Variants in KIF13A observed in about 807,000 individuals in gnomAD.
KIF13A encodes the protein kinesin family member 13A.
A neutral mutation model predicts 212.2 loss-of-function variants in KIF13A; 79 were observed. The ratio of observed to expected loss-of-function variants is 0.37; its 90% CI spans 0.31 to 0.45. The LOEUF is 0.45. Among genes scored for constraint, KIF13A ranks in the 20% least tolerant of loss-of-function variants. The probability of loss-of-function intolerance (pLI) is 1.00; values close to 1 mark genes in which losing one functional copy is unlikely to be tolerated. For missense variants in KIF13A, 1,901 were observed against 2,209.0 expected (o/e 0.86, Z 2.79); for synonymous variants, 789 against 808.6 (o/e 0.98, Z 0.41).
rs1357415492 is a variant in KIF13A, at chr6:17,888,420, G to T, written c.159+9748C>A. Among the ~76,000 whole-genome samples the T allele has an allele frequency of 6.6e-6, 1 of 152,176 alleles. No homozygotes were observed. The highest frequency in any genetic ancestry group is 1.5e-5 in the Non-Finnish European group (1 of 68,026). ...ATGAAACAAGCAAAAGCCTTAGGAA[G>T]TATACTGGTGTTCAGTACTAAGCCA... On this transcript the variant is annotated intron_variant, in intron 3 of 38. Transcript: ENST00000259711. The surrounding 1 kb of genome is among the most constrained non-coding windows in gnomAD (Gnocchi z 4.8).
chr6:17,824,042 G>A (rs180966750), intron 16 of KIF13A, among the ~76,000 whole-genome samples: 1 of 151,730 alleles, frequency 6.6e-6, no homozygotes, highest in Non-Finnish European at 1.5e-5. Context: ...CGAGTAGCTA[G>A]GATTACAGCC....
In KIF13A at chr6:17,776,046, T is replaced by C. The variant is rs1386884944; in HGVS notation, c.4171-984A>G. The stretch of plus-strand genomic sequence containing the variant: ...GGCACCTGCCACGATGCCCAGCTAA[T>C]TTTGTATTTTTAGTAGAGACCGGGT... On this transcript the variant is annotated intron_variant, in intron 34 of 38. Transcript: ENST00000259711. The surrounding 1 kb of genome is among the most constrained non-coding windows in gnomAD (Gnocchi z 4.6). 2.0e-5 allele frequency among the ~76,000 whole-genome samples: 3 copies of C among 152,004 alleles called. No individual in the cohort carries two copies. Among genetic ancestry groups the C allele is most frequent in the Non-Finnish European group, 4.4e-5 (3 of 67,998 alleles).
At chr6:17,925,085 T>A (rs1775382418) in intron 2 of KIF13A, among the ~76,000 whole-genome samples, 1 of 151,942 alleles carries the variant, frequency 6.6e-6, no homozygotes, top group South Asian at 2.1e-4. Flanking sequence ...AAAAAATATA[T>A]CAACAAATGC....
chr6:17,983,333 T>TGG (rs1418321049), intron 2 of KIF13A, among the ~76,000 whole-genome samples: 1 of 151,990 alleles, frequency 6.6e-6, no homozygotes, highest in Non-Finnish European at 1.5e-5. Context: ...GGTGAAGAGA[T>TGG]GGGCAAAGTA....
intron 4 of KIF13A, among the ~76,000 whole-genome samples, chr6:17,869,291 T>A (rs1769779497): frequency 6.6e-6 from 1 of 152,086 alleles, no homozygotes; most frequent in East Asian, 1.9e-4. Flanking sequence ...TTGTCATAAA[T>A]CTCAGTACAT....
chr6:17,814,347 C>T (rs1450635036), intron 17 of KIF13A, among the ~76,000 whole-genome samples: 1 of 147,336 alleles, frequency 6.8e-6, no homozygotes, highest in Non-Finnish European at 1.5e-5. Flanking sequence ...CTCCCGGGTT[C>T]AAGCAATTCT....
chr6:17,840,078 G>A (rs956090735), intron 9 of KIF13A, among the ~76,000 whole-genome samples: 12 of 152,236 alleles, frequency 7.9e-5, no homozygotes, highest in African/African-American at 2.4e-4. Context: ...TAGGGCTGTG[G>A]GTGGGGGTAA....
At position 17,811,551 on chromosome 6, in the gene KIF13A, T is replaced by C. The variant is rs991901824; in HGVS notation, c.2001-2621A>G. On this transcript the variant is annotated intron_variant, in intron 17 of 38. Transcript: ENST00000259711. The surrounding 1 kb of genome is among the most constrained non-coding windows in gnomAD (Gnocchi z 6.0). ...GTGTACAAAGAGAATAAACGACATC[T>C]GTGGCTTTCTTTGTAATTCTCACCA... 6.6e-6 allele frequency among the ~76,000 whole-genome samples: 1 copy of C among 152,274 alleles called. No individual in the cohort carries two copies. The highest frequency in any genetic ancestry group is 2.4e-5 in the African/African-American group (1 of 41,476).
rs183262665 is a variant in KIF13A, at chr6:17,857,047, A to T, written c.221-925T>A. ...ATGCTTAATAAATGTTGAAAGAATGAGTCAATTTAACATTTTTATCTTACA... is the reference window on the plus strand; with the variant it reads ...ATGCTTAATAAATGTTGAAAGAATGTGTCAATTTAACATTTTTATCTTACA... On this transcript the variant is annotated intron_variant, in intron 4 of 38. Transcript: ENST00000259711. Among the ~76,000 whole-genome samples the T allele has an allele frequency of 2.1e-4, 32 of 152,326 alleles. 1 individual carries two copies. The highest frequency in any genetic ancestry group is 7.0e-4 in the African/African-American group (29 of 41,592).
chr6:17,860,637 T>G (rs948771200), intron 4 of KIF13A, among the ~76,000 whole-genome samples: 2 of 151,964 alleles, frequency 1.3e-5, no homozygotes, highest in African/African-American at 4.8e-5. Flanking sequence ...AATGTATTTT[T>G]AATTGGGAGC....
At chr6:17,958,876 CTTTTTTTTTTTTT>C (rs398000716) in intron 2 of KIF13A, among the ~76,000 whole-genome samples, 5 of 83,088 alleles carry the variant, frequency 6.0e-5, no homozygotes, top group African/African-American at 1.9e-4. Flanking sequence ...TTTTCTTTTT[CTTTTTTTTTTTTT>C]TTTTTTTTTT....
intron 16 of KIF13A, among the ~76,000 whole-genome samples, chr6:17,824,355 C>T (rs1764747120): frequency 6.6e-6 from 1 of 152,234 alleles, no homozygotes; most frequent in African/African-American, 2.4e-5. Flanking sequence ...TCACCATGTG[C>T]TTGCCTTGGC....
intron 18 of KIF13A, among the ~76,000 whole-genome samples, chr6:17,806,093 T>C (rs1561996946): frequency 6.6e-6 from 1 of 151,932 alleles, no homozygotes; most frequent in Non-Finnish European, 1.5e-5. Context: ...CTATTTTTTA[T>C]TTTATTTTTT....
intron 2 of KIF13A, among the ~76,000 whole-genome samples, chr6:17,916,754 AG>A (rs1362321429): frequency 2.0e-5 from 3 of 152,222 alleles, no homozygotes; most frequent in Non-Finnish European, 4.4e-5. Flanking sequence ...ATGAATGGAC[AG>A]GTTAAGAAAT....
intron 2 of KIF13A, among the ~76,000 whole-genome samples, chr6:17,976,381 G>C (rs1780484116): frequency 6.6e-6 from 1 of 152,206 alleles, no homozygotes; most frequent in Non-Finnish European, 1.5e-5. Flanking sequence ...GCGCCGGTGG[G>C]CCGGCACTGC....
Position 17,968,944 on chromosome 6 carries a change from AATAAAAGTCT to A in KIF13A, c.146+18100_146+18109del, listed in dbSNP as rs1779561668. Among the ~76,000 whole-genome samples, 1 of 152,188 alleles carries A rather than the reference AATAAAAGTCT, an allele frequency of 6.6e-6. No homozygotes were observed. The highest frequency in any genetic ancestry group is 2.4e-5 in the African/African-American group (1 of 41,434). On this transcript the variant is annotated intron_variant, in intron 2 of 38. Transcript: ENST00000259711. This position sits in a 1 kb window ranked among gnomAD's most constrained non-coding sequence, Gnocchi z 4.7. ...TCATCTACCTAGGCACAGCTCTTATAATAAAAGTCTATATCCATATCTTTCATTATATTCA... is the reference window on the plus strand; with the variant it reads ...TCATCTACCTAGGCACAGCTCTTATAATATCCATATCTTTCATTATATTCA...
At position 17,967,621 on chromosome 6, in the gene KIF13A, C is replaced by A. The variant is rs1000855024; in HGVS notation, c.146+19433G>T. 1.3e-5 allele frequency among the ~76,000 whole-genome samples: 2 copies of A among 152,196 alleles called. No individual in the cohort carries two copies. The highest frequency in any genetic ancestry group is 4.8e-5 in the African/African-American group (2 of 41,456). The stretch of plus-strand genomic sequence containing the variant: ...TCCATAGTCATGATGCCCCCACACA[C>A]AGACTGCTATCAGCAACAACTTTGT... On this transcript the variant is annotated intron_variant, in intron 2 of 38. Transcript: ENST00000259711. This position sits in a 1 kb window ranked among gnomAD's most constrained non-coding sequence, Gnocchi z 4.1.
intron 2 of KIF13A, among the ~76,000 whole-genome samples, chr6:17,958,032 A>G (rs2150581666): frequency 1.3e-5 from 2 of 152,306 alleles, no homozygotes; most frequent in Middle Eastern, 3.4e-3. Flanking sequence ...TGTCTCTAAA[A>G]GCTCTCACCA....
At chr6:17,852,095 TTCTTTC>T (rs1424369349) in intron 6 of KIF13A, 53 bp from the exon 7 acceptor site, 41 of 953,236 alleles carry the variant, frequency 4.3e-5, no homozygotes, top group Middle Eastern at 2.2e-4. Context: ...CTGGAAGCTT[TTCTTTC>T]TCTTTAAGTA....
Sources: allele counts gnomAD v4.1 joint callset (sites outside exome capture counted in the v4.1 genomes callset), GRCh38; gene constraint gnomAD v4.1.1; non-coding constraint Gnocchi (gnomAD v3.1); transcripts MANE v1.5; gene names NCBI Gene and HGNC (gene_info 2026-07-23, HGNC 2026-07-21).